The following PTPRN2 variants were observed in gnomAD, a reference collection of about 807,000 sequenced individuals.
The protein encoded by PTPRN2 is protein tyrosine phosphatase receptor type N2.
PTPRN2 carries 74 observed loss-of-function variants against 118.8 expected under a neutral mutation model. The ratio of observed to expected loss-of-function variants is 0.62; its 90% CI spans 0.52 to 0.76. PTPRN2 has a LOEUF of 0.76. Ranked by LOEUF, PTPRN2 falls within the 30% of genes least tolerant of loss-of-function variation. PTPRN2 has a pLI of 0.00. For missense variants in PTPRN2, 1,481 were observed against 1,394.4 expected, an observed-to-expected ratio of 1.06 and a Z score of -0.99; for synonymous variants, 641 against 608.0, an observed-to-expected ratio of 1.05 and a Z score of -0.80.
chr7:158,046,450 G>C (rs1026305861), intron 11 of PTPRN2, among the ~76,000 whole-genome samples: 1 of 151,644 alleles, frequency 6.6e-6, no homozygotes, highest in Non-Finnish European at 1.5e-5. Flanking sequence ...CTGACGCTGC[G>C]ATCCTGGCAT....
intron 11 of PTPRN2, among the ~76,000 whole-genome samples, chr7:157,920,712 T>A (rs1371181446): frequency 6.6e-6 from 1 of 152,230 alleles, no homozygotes; most frequent in Non-Finnish European, 1.5e-5. Context: ...GCTGGACCAA[T>A]GGGATACTCA....
chr7:158,109,397 G>T (rs964430837), intron 10 of PTPRN2, among the ~76,000 whole-genome samples: 10 of 150,902 alleles, frequency 6.6e-5, no homozygotes, highest in African/African-American at 2.4e-4. Flanking sequence ...GAGACAGTGA[G>T]TGAATGACAT....
chr7:158,251,524 G>A (rs1313607208), intron 3 of PTPRN2, among the ~76,000 whole-genome samples: 2 of 151,364 alleles, frequency 1.3e-5, no homozygotes, highest in African/African-American at 2.4e-5. Flanking sequence ...TGTATATGGT[G>A]CATGTGGGGG....
chr7:158,376,694 C>G (rs1224817399), intron 2 of PTPRN2, among the ~76,000 whole-genome samples: 1 of 124,042 alleles, frequency 8.1e-6, no homozygotes, highest in African/African-American at 3.3e-5. Context: ...CCCTGTCACA[C>G]GTCCTGCACG....
In PTPRN2 at chr7:158,361,322, T is replaced by A. The variant is rs78472332; in HGVS notation, c.164-44390A>T. Among the ~76,000 whole-genome samples the A allele has an allele frequency of 9.8e-3, 14 of 1,426 alleles. 5 individuals are homozygous for A. Among genetic ancestry groups the A allele is most frequent in the South Asian group, 0.053 (2 of 38 alleles). The allele number at this position is 1,426 out of a possible 152,430, so 0.9% of individuals were successfully genotyped here. On this transcript the variant is annotated intron_variant, in intron 2 of 22. Transcript: ENST00000389418. ...CAACCCACAGACCCCGTGTCCACCC[T>A]CACCTGGGACGACTCACAAACCCTA...
intron 4 of PTPRN2, among the ~76,000 whole-genome samples, chr7:158,204,313 T>C (rs1360074267): frequency 7.2e-5 from 11 of 152,304 alleles, no homozygotes; most frequent in African/African-American, 2.4e-5. Context: ...GCGCCCTCAG[T>C]GTGTGCGGCG....
rs1204911720 is a variant in PTPRN2, at chr7:157,560,255, G to T, written c.2902+8647C>A. Among the ~76,000 whole-genome samples, 1 of 152,284 alleles carries T rather than the reference G, an allele frequency of 6.6e-6. No homozygotes were observed. Among genetic ancestry groups the T allele is most frequent in the East Asian group, 1.9e-4 (1 of 5,166 alleles). On this transcript the variant is annotated intron_variant, in intron 21 of 22. Coordinates refer to ENST00000389418, the MANE Select transcript of PTPRN2 (RefSeq NM_002847.5). This position sits in a 1 kb window ranked among gnomAD's most constrained non-coding sequence, Gnocchi z 6.7. Reference sequence around the variant, plus strand: ...GGTGGGAGACCCCTTGAAGGTGGGAGACCTGTGAGCTGGTACACTCAGTGA... The same window carrying T: ...GGTGGGAGACCCCTTGAAGGTGGGATACCTGTGAGCTGGTACACTCAGTGA...
intron 9 of PTPRN2, among the ~76,000 whole-genome samples, chr7:158,123,811 A>G (rs1270241517): frequency 5.3e-5 from 8 of 152,192 alleles, no homozygotes; most frequent in East Asian, 1.9e-4. Context: ...AGGATCGGGA[A>G]GTGCCTCCAG....
intron 1 of PTPRN2, among the ~76,000 whole-genome samples, chr7:158,495,494 G>T (rs973756150): frequency 2.6e-5 from 4 of 152,086 alleles, no homozygotes; most frequent in Non-Finnish European, 5.9e-5. Flanking sequence ...TGCAGGGGGG[G>T]TAAGAGTGAA....
In PTPRN2 at chr7:157,787,980, G is replaced by C. The variant is rs546202583; in HGVS notation, c.1789-105043C>G. On this transcript the variant is annotated intron_variant, in intron 12 of 22. Transcript: ENST00000389418. The surrounding 1 kb of genome is among the most constrained non-coding windows in gnomAD (Gnocchi z 5.3). ...CACCGGGTCCCCTGGGAACCACGCA[G>C]CCGGGGCCTGGAGGCCGACACAAGC... Among the ~76,000 whole-genome samples the C allele has an allele frequency of 1.4e-4, 22 of 152,302 alleles. No homozygotes were observed. The highest frequency in any genetic ancestry group is 5.1e-4 in the African/African-American group (21 of 41,578).
Position 157,944,144 on chromosome 7 carries a change from C to A in PTPRN2, c.1724-45407G>T, listed in dbSNP as rs1800320126. 6.6e-6 allele frequency among the ~76,000 whole-genome samples: 1 copy of A among 152,206 alleles called. No individual in the cohort carries two copies. Among genetic ancestry groups the A allele is most frequent in the Non-Finnish European group, 1.5e-5 (1 of 68,048 alleles). On this transcript the variant is annotated intron_variant, in intron 11 of 22. Coordinates refer to ENST00000389418, the MANE Select transcript of PTPRN2 (RefSeq NM_002847.5). The surrounding 1 kb of genome is among the most constrained non-coding windows in gnomAD (Gnocchi z 4.3). ...CCCAGGACAGGCTCCAGATGCCCGG[C>A]CTTCATGCAGCAAACACCTTCACAG...
At chr7:158,042,468 C>T (rs547728856) in intron 11 of PTPRN2, among the ~76,000 whole-genome samples, 7 of 152,314 alleles carry the variant, frequency 4.6e-5, no homozygotes, top group East Asian at 1.9e-4. Context: ...CTCTACCACA[C>T]GCATGAATCA....
chr7:157,773,623 G>A (rs1289613080), intron 12 of PTPRN2, among the ~76,000 whole-genome samples: 1 of 152,200 alleles, frequency 6.6e-6, no homozygotes, highest in Admixed American at 6.5e-5. Flanking sequence ...TCCCACCCAA[G>A]CCCAGGGCCC....
chr7:158,576,210 C>G (rs1259308694), intron 1 of PTPRN2, among the ~76,000 whole-genome samples: 3 of 152,186 alleles, frequency 2.0e-5, no homozygotes, highest in Non-Finnish European at 4.4e-5. Flanking sequence ...CACCAAGTCA[C>G]TCACAGCCAG....
chr7:158,040,728 T>TTTTA (rs1554519621), intron 11 of PTPRN2, among the ~76,000 whole-genome samples: 1,644 of 120,948 alleles, frequency 0.014, 68 homozygotes, highest in Middle Eastern at 0.02. Context: ...GCCTTTCTTT[T>TTTTA]TTTCTTTCTT....
Position 157,889,665 on chromosome 7 carries a change from G to A in PTPRN2, c.1788+9008C>T, listed in dbSNP as rs1048093174. ...GTGTCTCCCCTTCACAAATATTCACGGCTCCTCCCATAACCTGCTGAATAT... is the reference window on the plus strand; with the variant it reads ...GTGTCTCCCCTTCACAAATATTCACAGCTCCTCCCATAACCTGCTGAATAT... On this transcript the variant is annotated intron_variant, in intron 12 of 22. Coordinates refer to ENST00000389418, the MANE Select transcript of PTPRN2 (RefSeq NM_002847.5). Among the ~76,000 whole-genome samples, 7 of 152,240 alleles carry A rather than the reference G, an allele frequency of 4.6e-5. No individual in the cohort carries two copies. In the East Asian group the frequency reaches 9.7e-4, roughly 21 times the overall value.
At chr7:157,850,465 C>T (rs542090090) in intron 12 of PTPRN2, among the ~76,000 whole-genome samples, 178 of 152,252 alleles carry the variant, frequency 1.2e-3, no homozygotes, top group African/African-American at 4.2e-3. Flanking sequence ...TAAGGGATCC[C>T]AGGTCTCCCG....
rs116669273 is a variant in PTPRN2 at position 158,396,371 on chromosome 7, A to G, written c.164-79439T>C. 8.5e-3 allele frequency among the ~76,000 whole-genome samples: 1,295 copies of G among 152,372 alleles called. 18 individuals carry two copies. Among genetic ancestry groups the G allele is most frequent in the African/African-American group, 0.029 (1,202 of 41,588 alleles). ...CAAAAAGACCTTTAAAGAGACACAC[A>G]AAAAGGTGACAGCATCGTGAGGTGA... is the stretch of plus-strand genomic sequence containing the variant. On this transcript the variant is annotated intron_variant, in intron 2 of 22. Coordinates refer to ENST00000389418, the MANE Select transcript of PTPRN2 (RefSeq NM_002847.5).
rs553710013 is a variant in PTPRN2, at chr7:158,323,363, C to T, written c.164-6431G>A. On this transcript the variant is annotated intron_variant, in intron 2 of 22. Coordinates refer to ENST00000389418, the MANE Select transcript of PTPRN2 (RefSeq NM_002847.5). ...GGCCCCACATTTCAGAGTTCTAGGA[C>T]GCAACCCCTTCACTGTGCAGACAGA... Among the ~76,000 whole-genome samples, 10 of 152,110 alleles carry T rather than the reference C, an allele frequency of 6.6e-5. No individual in the cohort carries two copies. In the East Asian group the frequency reaches 7.8e-4, roughly 12 times the overall value.
Sources: allele counts gnomAD v4.1 joint callset (sites outside exome capture counted in the v4.1 genomes callset), GRCh38; gene constraint gnomAD v4.1.1; non-coding constraint Gnocchi (gnomAD v3.1); transcripts MANE v1.5; gene names NCBI Gene and HGNC (gene_info 2026-07-23, HGNC 2026-07-21).